The following ENOX2 variants were observed in gnomAD, a reference collection of about 807,000 sequenced individuals.
The protein encoded by ENOX2 is ecto-NOX disulfide-thiol exchanger 2.
A neutral mutation model predicts 45.0 loss-of-function variants in ENOX2; 36 were observed. The ratio of observed to expected loss-of-function variants is 0.80; its 90% confidence interval spans 0.61 to 1.06. The LOEUF is 1.06. Ranked by LOEUF, ENOX2 falls within the 50% of genes least tolerant of loss-of-function variation. ENOX2 has a pLI of 0.00. For synonymous variants in ENOX2, 174 were observed against 152.3 expected, an observed-to-expected ratio of 1.14 and a Z score of -1.05; for missense variants, 423 against 462.5, an observed-to-expected ratio of 0.91 and a Z score of 0.78.
At chrX:130,817,498 A>G (rs1168759604) in intron 2 of ENOX2, among the ~76,000 whole-genome samples, 2 of 112,170 alleles carry the variant, frequency 1.8e-5, no homozygotes, top group Non-Finnish European at 3.8e-5. Context: ...TCCCTGATGA[A>G]CATTGATGCA....
intron 3 of ENOX2, among the ~76,000 whole-genome samples, chrX:130,765,281 A>G (rs750297995): frequency 1.1e-4 from 12 of 110,827 alleles, no homozygotes; most frequent in Non-Finnish European, 2.1e-4. Context: ...ATAATAATCT[A>G]CATCTAAATA....
chrX:130,709,230 A>G (rs759727258), intron 3 of ENOX2: 2 of 1,196,034 alleles, frequency 1.7e-6, no homozygotes, highest in Admixed American at 4.3e-5. Flanking sequence ...CAACTGTACA[A>G]AGTGGGGCTT....
chrX:130,762,620 T>G (rs1356537461), intron 3 of ENOX2, among the ~76,000 whole-genome samples: 2 of 112,065 alleles, frequency 1.8e-5, no homozygotes, highest in African/African-American at 3.2e-5. Flanking sequence ...ACCCATGGTT[T>G]ATCTAGCAGT....
intron 2 of ENOX2, among the ~76,000 whole-genome samples, chrX:130,792,116 GT>G (rs1285542604): frequency 1.8e-5 from 2 of 112,070 alleles, no homozygotes; most frequent in Non-Finnish European, 3.8e-5. Context: ...ATGGATGGAG[GT>G]AGAGGCCATT....
chrX:130,902,759 C>A (rs1331954346), intron 1 of ENOX2, among the ~76,000 whole-genome samples: 5 of 99,977 alleles, frequency 5.0e-5, no homozygotes, highest in African/African-American at 1.9e-4. Flanking sequence ...AGGCACAGAG[C>A]CAGGGGGAGG....
At chrX:130,752,174 T>C (rs769859407) in intron 3 of ENOX2, among the ~76,000 whole-genome samples, 2 of 110,312 alleles carry the variant, frequency 1.8e-5, no homozygotes, top group Non-Finnish European at 3.8e-5. Context: ...CTTTCTTTTT[T>C]AGTCTGTCTC....
At chrX:130,800,244 T>C (rs2077195683) in intron 2 of ENOX2, among the ~76,000 whole-genome samples, 1 of 110,543 alleles carries the variant, frequency 9.0e-6, no homozygotes, top group Admixed American at 9.7e-5. Flanking sequence ...CCAAGCATGG[T>C]AGTTGTGTAC....
At position 130,625,901 on chromosome X, in the gene ENOX2, ATCTC is replaced by A. The variant is rs758159264; in HGVS notation, c.1615-460_1615-457del. Among the ~76,000 whole-genome samples the A allele has an allele frequency of 5.5e-3, 560 of 101,502 alleles. 5 individuals are homozygous for A. Among genetic ancestry groups the A allele is most frequent in the African/African-American group, 0.013 (350 of 27,771 alleles). 88.1% of individuals were successfully genotyped at this position (101,502 alleles called of 115,157 possible). ...TGTGTTCATACTTCTCTGCATCCCC[ATCTC>A]TCTCTCTCTCTCTCTTTCACACACA... On this transcript the variant is annotated intron_variant, in intron 14 of 14. Transcript: ENST00000394363.
At chrX:130,641,410 A>C (rs2036077867) in intron 10 of ENOX2, among the ~76,000 whole-genome samples, 1 of 112,008 alleles carries the variant, frequency 8.9e-6, no homozygotes, top group Admixed American at 9.5e-5. Context: ...CAAAGAATGA[A>C]AAAGTGAATG....
chrX:130,740,119 G>A (rs761552549), intron 3 of ENOX2, among the ~76,000 whole-genome samples: 2 of 112,313 alleles, frequency 1.8e-5, no homozygotes, highest in African/African-American at 3.2e-5. Context: ...AGATTCATAA[G>A]TGGCTGGGCG....
intron 3 of ENOX2, among the ~76,000 whole-genome samples, chrX:130,749,267 C>T (rs917145212): frequency 9.0e-6 from 1 of 111,275 alleles, no homozygotes; most frequent in Admixed American, 9.5e-5. Flanking sequence ...CTTGGCACTG[C>T]GGCTGAATAT....
At chrX:130,704,088 G>A (rs899891120) in intron 3 of ENOX2, among the ~76,000 whole-genome samples, 5 of 111,666 alleles carry the variant, frequency 4.5e-5, no homozygotes, top group South Asian at 3.8e-4. Flanking sequence ...GAGAAGTTTC[G>A]AAAGGTCAAA....
intron 2 of ENOX2, among the ~76,000 whole-genome samples, chrX:130,898,030 CAG>C (rs1472954139): frequency 9.2e-6 from 1 of 108,423 alleles, no homozygotes; most frequent in African/African-American, 3.4e-5. Flanking sequence ...TTTTTTGAGA[CAG>C]AGTCTCACTC....
At chrX:130,896,390 A>G (rs948332164) in intron 2 of ENOX2, among the ~76,000 whole-genome samples, 1 of 110,889 alleles carries the variant, frequency 9.0e-6, no homozygotes, top group African/African-American at 3.3e-5. Flanking sequence ...CCCCACGGGT[A>G]CATATCCCAG....
In ENOX2 at chrX:130,862,793, T is replaced by C. The variant is rs768897041; in HGVS notation, c.-183+38891A>G. 8.5e-4 allele frequency among the ~76,000 whole-genome samples: 95 copies of C among 111,834 alleles called. 1 individual carries two copies. Among genetic ancestry groups the C allele is most frequent in the African/African-American group, 2.9e-3 (90 of 30,846 alleles). On this transcript the variant is annotated intron_variant, in intron 2 of 14. Coordinates refer to ENST00000394363, the MANE Select transcript of ENOX2 (RefSeq NM_006375.4). ...GATGAGAAAATAGGGAGCAGCCACC[T>C]TAGTTTAACCTTAAGAAGAATAAGA...
At chrX:130,759,577 C>CA (rs753411112) in intron 3 of ENOX2, among the ~76,000 whole-genome samples, 1,140 of 19,829 alleles carry the variant, frequency 0.057, 131 homozygotes, top group African/African-American at 0.15. Context: ...GACTATGTAC[C>CA]AAAAAAAAAA....
chrX:130,806,445 GATA>G (rs2077301525), intron 2 of ENOX2, among the ~76,000 whole-genome samples: 1 of 112,224 alleles, frequency 8.9e-6, no homozygotes, highest in Non-Finnish European at 1.9e-5. Flanking sequence ...ACAAAAGAAG[GATA>G]ATGAGTGGAC....
chrX:130,836,570 TTCTC>T (rs2077931445), intron 2 of ENOX2, among the ~76,000 whole-genome samples: 2 of 111,605 alleles, frequency 1.8e-5, no homozygotes, highest in African/African-American at 6.5e-5. Context: ...ATGTTTGTAT[TTCTC>T]CAGAGCAGTT....
chrX:130,625,861 G>A (rs1447858945), intron 14 of ENOX2, among the ~76,000 whole-genome samples: 1 of 110,014 alleles, frequency 9.1e-6, no homozygotes, highest in Admixed American at 9.7e-5. Flanking sequence ...GAAGTAACAG[G>A]AAGGGGGAAA....
Sources: allele counts gnomAD v4.1 joint callset (sites outside exome capture counted in the v4.1 genomes callset), GRCh38; gene constraint gnomAD v4.1.1; transcripts MANE v1.5; gene names NCBI Gene and HGNC (gene_info 2026-07-23, HGNC 2026-07-21).